The following PXDNL variants were observed in gnomAD, a reference collection of about 807,000 sequenced individuals.
PXDNL encodes the protein peroxidasin like, also known as probable oxidoreductase PXDNL.
PXDNL carries 145 observed loss-of-function variants against 150.8 expected under a neutral mutation model. The ratio of observed to expected loss-of-function variants is 0.96; its 90% CI spans 0.84 to 1.10. The LOEUF is 1.10. Ranked by LOEUF, PXDNL falls within the 50% of genes least tolerant of loss-of-function variation. The pLI, the probability that PXDNL is intolerant of heterozygous loss-of-function variation, is 0.00. For synonymous variants in PXDNL, 757 were observed against 725.7 expected (o/e 1.04, Z -0.69); for missense variants, 2,087 against 1,873.9 (o/e 1.11, Z -2.10).
In PXDNL at chr8:51,640,311, T is replaced by A. The variant is rs912288784; in HGVS notation, c.236+14378A>T. Among the ~76,000 whole-genome samples, 20 of 152,250 alleles carry A rather than the reference T, an allele frequency of 1.3e-4. No individual in the cohort carries two copies. In the East Asian group the frequency reaches 1.5e-3, roughly 12 times the overall value. ...ACTGGCACAAGACAGGGATGCCGTC[T>A]CTCACCACTCCTATTCAACATAGTG... On this transcript the variant is annotated intron_variant, in intron 2 of 22. Transcript: ENST00000356297.
intron 1 of PXDNL, among the ~76,000 whole-genome samples, chr8:51,666,181 T>C (rs1255153393): frequency 2.6e-5 from 4 of 152,236 alleles, no homozygotes; most frequent in African/African-American, 9.6e-5. Flanking sequence ...TCATTTTACT[T>C]GATCTTTCGG....
At chr8:51,634,558 A>T (rs1021636007) in intron 2 of PXDNL, among the ~76,000 whole-genome samples, 1 of 152,110 alleles carries the variant, frequency 6.6e-6, no homozygotes, top group African/African-American at 2.4e-5. Context: ...GAATCTGTAG[A>T]TTCTTTGGGC....
chr8:51,752,223 C>G (rs1395367101), intron 1 of PXDNL, among the ~76,000 whole-genome samples: 1 of 152,138 alleles, frequency 6.6e-6, no homozygotes, highest in Non-Finnish European at 1.5e-5. Context: ...GGTGATTACC[C>G]TTATCTCGTC....
At chr8:51,436,285 G>T in intron 12 of PXDNL, 1 of 491,270 alleles carries the variant, frequency 2.0e-6, no homozygotes, top group Admixed American at 2.2e-5. Context: ...AGAAGGTGTT[G>T]CTCTTGTAGA....
intron 1 of PXDNL, among the ~76,000 whole-genome samples, chr8:51,743,814 C>A (rs1173542812): frequency 6.6e-6 from 1 of 151,712 alleles, no homozygotes; most frequent in Non-Finnish European, 1.5e-5. Flanking sequence ...CAGTGCCCGG[C>A]CCCTACTTTC....
At chr8:51,583,820 C>G (rs1739119420) in intron 3 of PXDNL, among the ~76,000 whole-genome samples, 1 of 152,076 alleles carries the variant, frequency 6.6e-6, no homozygotes. Context: ...ACTAAAATTT[C>G]TTAATCAAAA....
At chr8:51,341,955 A>C (rs1805996192) in intron 20 of PXDNL, among the ~76,000 whole-genome samples, 1 of 152,190 alleles carries the variant, frequency 6.6e-6, no homozygotes, top group Non-Finnish European at 1.5e-5. Context: ...ACGCCTGGGT[A>C]TACAGCCAAA....
At chr8:51,748,677 C>A (rs2037012222) in intron 1 of PXDNL, among the ~76,000 whole-genome samples, 1 of 152,160 alleles carries the variant, frequency 6.6e-6, no homozygotes, top group African/African-American at 2.4e-5. Context: ...AAATGAGGAT[C>A]TGGACAAAGA....
intron 10 of PXDNL, among the ~76,000 whole-genome samples, chr8:51,452,935 A>AACACATACACACACACACACACACAC (rs60146365): frequency 0.012 from 1,646 of 142,640 alleles, 28 homozygotes; most frequent in African/African-American, 0.042. Context: ...CACACACACA[A>AACACATACACACACACACACACACAC]ACACACACAC....
intron 4 of PXDNL, among the ~76,000 whole-genome samples, chr8:51,515,477 A>G (rs1026356463): frequency 2.6e-5 from 4 of 152,112 alleles, no homozygotes; most frequent in East Asian, 1.9e-4. Flanking sequence ...ACCACTAAAC[A>G]TGTACCCAAG....
At chr8:51,428,551 C>T (rs181573323) in intron 12 of PXDNL, among the ~76,000 whole-genome samples, 62 of 152,124 alleles carry the variant, frequency 4.1e-4, no homozygotes, top group Non-Finnish European at 7.5e-4. Context: ...AGCAGACAGC[C>T]CAGTAATAGA....
chr8:51,636,011 A>G (rs1814596123), intron 2 of PXDNL, among the ~76,000 whole-genome samples: 1 of 152,134 alleles, frequency 6.6e-6, no homozygotes, highest in African/African-American at 2.4e-5. Context: ...ACCAGGATCA[A>G]GTAGATTTAA....
At chr8:51,664,552 C>T (rs2130818131) in intron 1 of PXDNL, among the ~76,000 whole-genome samples, 1 of 152,278 alleles carries the variant, frequency 6.6e-6, no homozygotes, top group South Asian at 2.1e-4. Context: ...AGCCAATAAA[C>T]ACAGCATGAA....
At chr8:51,710,735 C>T (rs1401856068) in intron 1 of PXDNL, among the ~76,000 whole-genome samples, 1 of 152,146 alleles carries the variant, frequency 6.6e-6, no homozygotes, top group Admixed American at 6.5e-5. Flanking sequence ...AGCATAATGT[C>T]TTCTAGGTTC....
At position 51,327,792 on chromosome 8, in the gene PXDNL, G is replaced by A. The variant is rs114196016; in HGVS notation, c.4147-6895C>T. ...TGTAAATCATCACTCCCATCCTCAC[G>A]ACAAGAAAAATTGGACACACTGAAA... On this transcript the variant is annotated intron_variant, in intron 21 of 22. Coordinates refer to ENST00000356297, the MANE Select transcript of PXDNL (RefSeq NM_144651.5). Among the ~76,000 whole-genome samples the A allele has an allele frequency of 8.4e-3, 1,283 of 152,254 alleles. 12 individuals are homozygous for A. The highest frequency in any genetic ancestry group is 0.028 in the African/African-American group (1,176 of 41,540).
intron 2 of PXDNL, among the ~76,000 whole-genome samples, chr8:51,649,674 T>C (rs1423897571): frequency 6.6e-6 from 1 of 152,234 alleles, no homozygotes; most frequent in Non-Finnish European, 1.5e-5. Flanking sequence ...TATTGCTAAT[T>C]GTGCATACAT....
At chr8:51,620,547 C>CTT (rs1222556097) in intron 2 of PXDNL, among the ~76,000 whole-genome samples, 2,539 of 144,972 alleles carry the variant, frequency 0.018, 87 homozygotes, top group African/African-American at 0.061. Context: ...AACTCAATCA[C>CTT]TTTTTTTTTT....
At chr8:51,323,264 A>C (rs1391387048) in intron 21 of PXDNL, among the ~76,000 whole-genome samples, 4 of 152,048 alleles carry the variant, frequency 2.6e-5, no homozygotes, top group Admixed American at 6.6e-5. Flanking sequence ...TATTTAAGGG[A>C]AATAGTTTTG....
intron 19 of PXDNL, among the ~76,000 whole-genome samples, chr8:51,349,250 T>G (rs1019845242): frequency 3.3e-5 from 5 of 152,110 alleles, no homozygotes; most frequent in Non-Finnish European, 7.4e-5. Flanking sequence ...CTCCTGCCTT[T>G]GCTTTGTGAA....
Sources: allele counts gnomAD v4.1 joint callset (sites outside exome capture counted in the v4.1 genomes callset), GRCh38; gene constraint gnomAD v4.1.1; transcripts MANE v1.5; gene names NCBI Gene and HGNC (gene_info 2026-07-23, HGNC 2026-07-21).